Variants in ITGA9 observed in about 807,000 individuals in gnomAD.
ITGA9 encodes integrin alpha-9.
A neutral mutation model predicts 127.8 loss-of-function variants in ITGA9; 56 were observed. The ratio of observed to expected loss-of-function variants is 0.44; its 90% confidence interval spans 0.35 to 0.55. The LOEUF (loss-of-function observed/expected upper bound fraction) is 0.55. Ranked by LOEUF, ITGA9 falls within the 20% of genes least tolerant of loss-of-function variation. The pLI is 0.00. For synonymous variants in ITGA9, 508 were observed against 514.5 expected (o/e 0.99, Z 0.17); for missense variants, 1,196 against 1,347.1 (o/e 0.89, Z 1.76).
rs114999418 is a variant in ITGA9, at chr3:37,814,574, A to C, written c.3010-4317A>C. Among the ~76,000 whole-genome samples the C allele has an allele frequency of 0.02, 2,953 of 151,122 alleles. 80 individuals carry two copies. The highest frequency in any genetic ancestry group is 0.078 in the South Asian group (369 of 4,720). ...GCGAGACTCCATCCCCCACCCCCCCAAAAAAGAAACAATATTAGTTTGACA... is the reference window on the plus strand; with the variant it reads ...GCGAGACTCCATCCCCCACCCCCCCCAAAAAGAAACAATATTAGTTTGACA... On this transcript the variant is annotated intron_variant, in intron 27 of 27. Transcript: ENST00000264741. This position sits in a 1 kb window ranked among gnomAD's most constrained non-coding sequence, Gnocchi z 4.3.
At chr3:37,742,023 C>T (rs1048599003) in intron 21 of ITGA9, among the ~76,000 whole-genome samples, 3 of 152,222 alleles carry the variant, frequency 2.0e-5, no homozygotes, top group Non-Finnish European at 4.4e-5. Context: ...TCCCACCTAC[C>T]CACCCACCTG....
chr3:37,550,774 G>C (rs906152630), intron 15 of ITGA9, among the ~76,000 whole-genome samples: 9 of 152,100 alleles, frequency 5.9e-5, no homozygotes, highest in Non-Finnish European at 1.2e-4. Flanking sequence ...TAACAACCCT[G>C]GCTCATAAAC....
rs1420049198 is a variant in ITGA9, at chr3:37,519,285, G to C, written c.1167G>C (p.Glu389Asp). 1 of 1,614,158 alleles carries C rather than the reference G, an allele frequency of 6.2e-7. No homozygotes were observed. Reference sequence around the variant, plus strand: ...ATGTGGCCATTGGTGCACCCAAGGAGGATGACTTCGCAGGGGCGGTCTATA... The same window carrying C: ...ATGTGGCCATTGGTGCACCCAAGGACGATGACTTCGCAGGGGCGGTCTATA... Reference protein sequence around the residue: ...FPDVAIGAPKEDDFAGAVYIY... With the variant: ...FPDVAIGAPKDDDFAGAVYIY... The change falls in exon 11 of 28, where the codon GAG becomes GAC. Residue 389 changes from glutamate (E) to aspartate (D), a missense_variant. Transcript: ENST00000264741.
chr3:37,600,358 A>C (rs550499544), intron 15 of ITGA9, among the ~76,000 whole-genome samples: 1 of 152,288 alleles, frequency 6.6e-6, no homozygotes, highest in South Asian at 2.1e-4. Context: ...TGGGATGTCA[A>C]GCCCCTTCCC....
chr3:37,580,371 GA>G (rs1699698504), intron 15 of ITGA9, among the ~76,000 whole-genome samples: 1 of 152,242 alleles, frequency 6.6e-6, no homozygotes, highest in African/African-American at 2.4e-5. Flanking sequence ...GGAAGGGAAG[GA>G]AACTCTGACA....
In ITGA9 at chr3:37,556,716, C is replaced by T. The variant is rs577448399; in HGVS notation, c.1689+14131C>T. Among the ~76,000 whole-genome samples the T allele has an allele frequency of 5.3e-5, 8 of 152,298 alleles. 1 individual carries two copies. The South Asian group carries it at 1.7e-3, about 32-fold the overall frequency. ...GCAAGGAGCTCGAAGACATAGATACCAAAAGTTACAGGGGAAAACGGACAA... is the reference window on the plus strand; with the variant it reads ...GCAAGGAGCTCGAAGACATAGATACTAAAAGTTACAGGGGAAAACGGACAA... On this transcript the variant is annotated intron_variant, in intron 15 of 27. Coordinates refer to ENST00000264741, the MANE Select transcript of ITGA9 (RefSeq NM_002207.3).
At chr3:37,750,262 T>A (rs1284477612) in intron 22 of ITGA9, among the ~76,000 whole-genome samples, 200 bp from the exon 23 acceptor site, 1 of 152,248 alleles carries the variant, frequency 6.6e-6, no homozygotes, top group Non-Finnish European at 1.5e-5. Flanking sequence ...GATTTTTAGA[T>A]GCATGTTAGA....
chr3:37,735,432 A>G (rs1696348117), intron 19 of ITGA9, among the ~76,000 whole-genome samples: 1 of 152,210 alleles, frequency 6.6e-6, no homozygotes, highest in Admixed American at 6.5e-5. Context: ...GTAATGGACC[A>G]ATGTCCGTTG....
intron 15 of ITGA9, among the ~76,000 whole-genome samples, chr3:37,610,615 A>G (rs1575166108): frequency 1.3e-5 from 2 of 152,194 alleles, no homozygotes; most frequent in Admixed American, 1.3e-4. Context: ...ACCTATGTCG[A>G]GATAATATCA....
At chr3:37,697,669 C>T (rs1700900012) in intron 18 of ITGA9, among the ~76,000 whole-genome samples, 1 of 152,118 alleles carries the variant, frequency 6.6e-6, no homozygotes, top group African/African-American at 2.4e-5. Flanking sequence ...ATGAACTCAT[C>T]CCTTTTTATG....
intron 23 of ITGA9, among the ~76,000 whole-genome samples, chr3:37,771,632 C>T (rs1696844645): frequency 6.6e-6 from 1 of 152,186 alleles, no homozygotes; most frequent in Non-Finnish European, 1.5e-5. Context: ...ACTCGGGGAC[C>T]TCTGTTTCCT....
intron 18 of ITGA9, among the ~76,000 whole-genome samples, chr3:37,696,292 C>G (rs759676919): frequency 6.6e-6 from 1 of 152,168 alleles, no homozygotes; most frequent in East Asian, 1.9e-4. Flanking sequence ...GAGTGTGTAT[C>G]CCTGAGATAC....
At chr3:37,780,220 A>G (rs866615254) in intron 25 of ITGA9, among the ~76,000 whole-genome samples, 199 bp downstream of exon 25, 37 of 152,342 alleles carry the variant, frequency 2.4e-4, no homozygotes, top group African/African-American at 8.7e-4. Context: ...CAGACTTCTT[A>G]TATGAATATA....
intron 15 of ITGA9, among the ~76,000 whole-genome samples, chr3:37,621,825 A>G (rs1933259069): frequency 6.6e-6 from 1 of 152,226 alleles, no homozygotes; most frequent in Non-Finnish European, 1.5e-5. Flanking sequence ...ATAAACTAAT[A>G]TATAGTCATA....
At chr3:37,562,381 T>G (rs1031106733) in intron 15 of ITGA9, among the ~76,000 whole-genome samples, 9 of 152,230 alleles carry the variant, frequency 5.9e-5, no homozygotes, top group Non-Finnish European at 1.2e-4. Flanking sequence ...TGGAACTTAT[T>G]CCACTATTGA....
At chr3:37,666,223 C>T (rs1214242260) in intron 17 of ITGA9, among the ~76,000 whole-genome samples, 3 of 152,170 alleles carry the variant, frequency 2.0e-5, no homozygotes, top group Admixed American at 1.3e-4. Flanking sequence ...GTTGAGTTCT[C>T]CTAGAAGCAG....
At chr3:37,529,966 TAGGAATA>T (rs978123100) in intron 13 of ITGA9, among the ~76,000 whole-genome samples, 4 of 152,088 alleles carry the variant, frequency 2.6e-5, no homozygotes, top group Non-Finnish European at 5.9e-5. Flanking sequence ...GGCCCCAAGA[TAGGAATA>T]AGGTCAGGGC....
Position 37,818,970 on chromosome 3 carries a change from G to C in ITGA9, c.3089G>C (p.Trp1030Ser), listed in dbSNP as rs757448984. Residue 1030 changes from tryptophan to serine, a missense_variant, in exon 28 of 28, where the codon TGG becomes TCG. Coordinates refer to ENST00000264741, the MANE Select transcript of ITGA9 (RefSeq NM_002207.3). The part of the protein sequence containing the change: ...NRKENEDSWD[W>S]VQKNQ ...AAAGAGAATGAAGACAGTTGGGACT[G>C]GGTCCAGAAAAACCAGTGAGCTGCC... is the stretch of plus-strand genomic sequence containing the variant. 3.1e-6 allele frequency: 5 copies of C among 1,613,560 alleles called. No individual in the cohort carries two copies. In the Admixed American group the frequency reaches 5.0e-5, roughly 16 times the overall value.
chr3:37,693,506 G>T (rs1352813925), intron 18 of ITGA9, among the ~76,000 whole-genome samples: 1 of 152,118 alleles, frequency 6.6e-6, no homozygotes, highest in Non-Finnish European at 1.5e-5. Flanking sequence ...CAGAAAGGGT[G>T]GTCCCTTTCT....
Sources: allele counts gnomAD v4.1 joint callset (sites outside exome capture counted in the v4.1 genomes callset), GRCh38; gene constraint gnomAD v4.1.1; non-coding constraint Gnocchi (gnomAD v3.1); transcripts MANE v1.5; gene names NCBI Gene and HGNC (gene_info 2026-07-23, HGNC 2026-07-21).